MTPN: variants seen among roughly 807,000 people sequenced by gnomAD.
The protein encoded by MTPN is granule cell differentiation protein.
MTPN carries 2 observed loss-of-function variants against 13.5 expected under a neutral mutation model. The ratio of observed to expected loss-of-function variants is 0.15; its 90% confidence interval spans 0.06 to 0.47. The LOEUF (loss-of-function observed/expected upper bound fraction) is 0.47, where lower values mean the gene tolerates loss of function less well. MTPN is among the 20% of genes least tolerant of loss of function. MTPN has a pLI of 0.97. For missense variants in MTPN, 79 were observed against 137.9 expected (o/e 0.57, Z 2.14); for synonymous variants, 46 against 51.7 (o/e 0.89, Z 0.48).
In MTPN at chr7:135,963,097, AAGC is replaced by A. The variant is rs562147579; in HGVS notation, c.73-11470_73-11468del. Among the ~76,000 whole-genome samples the A allele has an allele frequency of 1.3e-3, 195 of 152,168 alleles. 1 individual carries two copies. The highest frequency in any genetic ancestry group is 4.6e-3 in the African/African-American group (191 of 41,548). The stretch of plus-strand genomic sequence containing the variant: ...TAAATATTGGACACCTGACAGTAGA[AAGC>A]AGCAAAAGTATTAAATTTACAAAAT... On this transcript the variant is annotated intron_variant, in intron 1 of 3. Coordinates refer to ENST00000393085, the MANE Select transcript of MTPN (RefSeq NM_145808.4).
intron 3 of MTPN, among the ~76,000 whole-genome samples, chr7:135,933,382 G>A (rs1426775702): frequency 6.6e-6 from 1 of 151,848 alleles, no homozygotes; most frequent in Non-Finnish European, 1.5e-5. Context: ...AAATGTAAAC[G>A]ATATTTATTT....
intron 3 of MTPN, among the ~76,000 whole-genome samples, chr7:135,935,812 A>T (rs1488872553): frequency 1.3e-5 from 2 of 151,828 alleles, no homozygotes; most frequent in Non-Finnish European, 2.9e-5. Flanking sequence ...TGTCCCTGTG[A>T]CTTTTCTCAT....
In MTPN at chr7:135,964,841, T is replaced by A. The variant is rs371775889; in HGVS notation, c.72+12188A>T. On this transcript the variant is annotated intron_variant, in intron 1 of 3. Transcript: ENST00000393085. ...TATTATACATTTTAATTTTTTTATA[T>A]CTCAAAAACTTGAGAATAAAGTGAA... Among the ~76,000 whole-genome samples the A allele has an allele frequency of 7.9e-5, 12 of 152,210 alleles. No homozygotes were observed. The South Asian group carries it at 1.9e-3, about 24-fold the overall frequency.
chr7:135,969,036 G>T (rs188522695), intron 1 of MTPN, among the ~76,000 whole-genome samples: 1 of 135,960 alleles, frequency 7.4e-6, no homozygotes, highest in East Asian at 2.3e-4. Context: ...TGTGGTGTTT[G>T]GTTTTTTGTT....
Position 135,927,385 on chromosome 7 carries a change from A to T in MTPN, c.*2541T>A. 6.5e-7 allele frequency: 1 copy of T among 1,549,434 alleles called. No homozygotes were observed. Among genetic ancestry groups the T allele is most frequent in the Non-Finnish European group, 8.7e-7 (1 of 1,145,148 alleles). On this transcript the variant is annotated 3_prime_UTR_variant, in exon 4 of 4. Coordinates refer to ENST00000393085, the MANE Select transcript of MTPN (RefSeq NM_145808.4). ...GCTGCAAGGGAGACTTTGTTAGTAC[A>T]CTACTATAAACAGGTAAACTACCTG...
intron 3 of MTPN, among the ~76,000 whole-genome samples, chr7:135,945,620 A>G (rs1294052023): frequency 6.6e-6 from 1 of 152,224 alleles, no homozygotes; most frequent in Non-Finnish European, 1.5e-5. Flanking sequence ...GGGGCAAGAG[A>G]ATACATGGAG....
intron 1 of MTPN, among the ~76,000 whole-genome samples, chr7:135,975,114 C>A (rs1190602366): frequency 2.6e-5 from 4 of 152,138 alleles, no homozygotes; most frequent in African/African-American, 9.7e-5. Flanking sequence ...GAAGAACAGG[C>A]TACGGTAGTA....
chr7:135,954,201 C>T (rs972531557), intron 1 of MTPN, among the ~76,000 whole-genome samples: 1 of 152,182 alleles, frequency 6.6e-6, no homozygotes, highest in Non-Finnish European at 1.5e-5. Flanking sequence ...GTGCCTGACA[C>T]ATTGTTTAAC....
Position 135,928,204 on chromosome 7 carries a change from T to C in MTPN, c.*1722A>G, listed in dbSNP as rs998832236. 6.0e-6 allele frequency: 1 copy of C among 167,348 alleles called. No individual in the cohort carries two copies. Among genetic ancestry groups the C allele is most frequent in the African/African-American group, 2.4e-5 (1 of 41,440 alleles). 10.4% of individuals were successfully genotyped at this position (167,348 alleles called of 1,614,324 possible). Reference sequence around the variant, plus strand: ...AAGTATTTAAACCACTACTTTGTGATTGTTTTCTTGGATGTAGGAAAATTA... The same window carrying C: ...AAGTATTTAAACCACTACTTTGTGACTGTTTTCTTGGATGTAGGAAAATTA... On this transcript the variant is annotated 3_prime_UTR_variant, in exon 4 of 4. Transcript: ENST00000393085.
intron 1 of MTPN, among the ~76,000 whole-genome samples, chr7:135,956,478 C>T (rs910263149): frequency 7.9e-5 from 12 of 152,208 alleles, no homozygotes; most frequent in Admixed American, 3.9e-4. Context: ...CTTCCACTTT[C>T]CACAGATACT....
chr7:135,929,708 A>G lies in MTPN; in HGVS notation c.*218T>C. On this transcript the variant is annotated 3_prime_UTR_variant, in exon 4 of 4. Transcript: ENST00000393085. ...AGAAAGGGAAGAGGCTTACTTGATC[A>G]GGAATCCCAGTAAAAGCCTGATCAT... 1.8e-6 allele frequency: 1 copy of G among 569,588 alleles called. No individual in the cohort carries two copies. Among genetic ancestry groups the G allele is most frequent in the Non-Finnish European group, 3.2e-6 (1 of 308,606 alleles). 35.3% of individuals were successfully genotyped at this position (569,588 alleles called of 1,614,324 possible).
chr7:135,971,371 C>T (rs1232601937), intron 1 of MTPN, among the ~76,000 whole-genome samples: 3 of 152,174 alleles, frequency 2.0e-5, no homozygotes, highest in Non-Finnish European at 4.4e-5. Flanking sequence ...CCTCAAAATC[C>T]ACCAGAAAGC....
At chr7:135,955,223 T>C (rs1337591083) in intron 1 of MTPN, among the ~76,000 whole-genome samples, 1 of 152,134 alleles carries the variant, frequency 6.6e-6, no homozygotes, top group African/African-American at 2.4e-5. Flanking sequence ...ATGAATAATC[T>C]TTGTATTTCC....
chr7:135,975,793 C>T (rs1420485676), intron 1 of MTPN, among the ~76,000 whole-genome samples: 7 of 152,194 alleles, frequency 4.6e-5, no homozygotes, highest in African/African-American at 1.7e-4. Flanking sequence ...ACAGCCTGTC[C>T]TAAAACTCCA....
chr7:135,927,699 G>A lies in MTPN; in HGVS notation c.*2227C>T, dbSNP rs1182333851. On this transcript the variant is annotated 3_prime_UTR_variant, in exon 4 of 4. Coordinates refer to ENST00000393085, the MANE Select transcript of MTPN (RefSeq NM_145808.4). ...TCTTGGTCAGTCTATTCTATTCTAT[G>A]TTTATATGTTATTTTCTCAAGCAAT... 9.4e-6 allele frequency: 5 copies of A among 533,846 alleles called. No homozygotes were observed. Among genetic ancestry groups the A allele is most frequent in the Non-Finnish European group, 1.9e-5 (5 of 270,154 alleles). 33.1% of individuals were successfully genotyped at this position (533,846 alleles called of 1,614,324 possible).
At chr7:135,950,484 T>C in intron 3 of MTPN, 115 bp downstream of exon 3, 1 of 842,692 alleles carries the variant, frequency 1.2e-6, no homozygotes, top group Non-Finnish European at 1.9e-6. Flanking sequence ...CAATTTTGTA[T>C]ATTGCTTCCA....
chr7:135,933,230 A>G (rs1014878750), intron 3 of MTPN, among the ~76,000 whole-genome samples: 11 of 152,160 alleles, frequency 7.2e-5, no homozygotes, highest in Admixed American at 2.6e-4. Flanking sequence ...AGCTTTAAAT[A>G]ATATACTCAT....
chr7:135,948,482 A>T (rs1296998719), intron 3 of MTPN, among the ~76,000 whole-genome samples: 1 of 152,190 alleles, frequency 6.6e-6, no homozygotes, highest in East Asian at 1.9e-4. Context: ...ACTAGTTAAA[A>T]GTAAGACAAC....
intron 3 of MTPN, among the ~76,000 whole-genome samples, chr7:135,933,185 G>T (rs78601177): frequency 9.7e-4 from 145 of 148,940 alleles, no homozygotes; most frequent in African/African-American, 3.4e-3. Context: ...CTTCCTTGAA[G>T]AAACCATTTT....
Sources: gnomAD v4.1 joint callset for allele counts (sites outside exome capture counted in the v4.1 genomes callset) on GRCh38, gnomAD v4.1.1 for gene constraint, MANE v1.5 for transcripts, NCBI Gene and HGNC (gene_info 2026-07-23, HGNC 2026-07-21) for gene names.